The following TMEM108 variants were observed in gnomAD, a reference collection of about 807,000 sequenced individuals.
The protein encoded by TMEM108 is transmembrane protein 108.
A neutral mutation model predicts 35.1 loss-of-function variants in TMEM108; 12 were observed. That is an observed-to-expected ratio of 0.34 (90% CI 0.22 to 0.55). The LOEUF (loss-of-function observed/expected upper bound fraction) is 0.55. TMEM108 is among the 20% of genes least tolerant of loss of function. TMEM108 has a pLI of 0.89. For missense variants in TMEM108, 680 were observed against 753.3 expected, an observed-to-expected ratio of 0.90 and a Z score of 1.14; for synonymous variants, 287 against 308.6, an observed-to-expected ratio of 0.93 and a Z score of 0.73.
intron 3 of TMEM108, among the ~76,000 whole-genome samples, chr3:133,296,043 A>G (rs1270300720): frequency 6.6e-6 from 1 of 152,178 alleles, no homozygotes; most frequent in African/African-American, 2.4e-5. Context: ...CCCCCCAAAA[A>G]AAGTATCCTT....
At chr3:133,227,339 G>A (rs550932145) in intron 2 of TMEM108, among the ~76,000 whole-genome samples, 13 of 150,886 alleles carry the variant, frequency 8.6e-5, no homozygotes, top group Middle Eastern at 3.4e-3. Flanking sequence ...GACTACAGGC[G>A]CCCACCACCT....
intron 4 of TMEM108, chr3:133,388,383 G>A: frequency 1.0e-6 from 1 of 959,882 alleles, no homozygotes; most frequent in South Asian, 4.8e-5. Context: ...TTTTCCTCTA[G>A]AATAAGGAGG....
intron 2 of TMEM108, among the ~76,000 whole-genome samples, chr3:133,117,284 A>G (rs752064290): frequency 3.3e-5 from 5 of 152,214 alleles, no homozygotes; most frequent in Non-Finnish European, 7.3e-5. Flanking sequence ...GTGGCTTTTC[A>G]TAGGCTAGAG....
intron 3 of TMEM108, among the ~76,000 whole-genome samples, chr3:133,358,324 A>T (rs1424291125): frequency 6.6e-6 from 1 of 152,128 alleles, no homozygotes; most frequent in Non-Finnish European, 1.5e-5. Context: ...AGCGCGAACC[A>T]CTACGCCTGG....
chr3:133,306,535 G>A (rs1224529023), intron 3 of TMEM108, among the ~76,000 whole-genome samples: 2 of 152,056 alleles, frequency 1.3e-5, no homozygotes, highest in Non-Finnish European at 2.9e-5. Flanking sequence ...CTCAATGACA[G>A]TTCCCAGTGT....
chr3:133,270,982 C>T (rs1339741554), intron 3 of TMEM108, among the ~76,000 whole-genome samples: 1 of 152,164 alleles, frequency 6.6e-6, no homozygotes, highest in African/African-American at 2.4e-5. Context: ...GCCCCCAAGC[C>T]ATCCTCTTGA....
rs145723766 is a variant in TMEM108 at position 133,150,093 on chromosome 3, A to C, written c.-46-79173A>C. On this transcript the variant is annotated intron_variant, in intron 2 of 5. Transcript: ENST00000321871. ...TTTTCCACAGTGGTTATACCAATTT[A>C]CAATCCCAGCAAGAGTGTACAAGGG... Among the ~76,000 whole-genome samples the C allele has an allele frequency of 1.4e-4, 22 of 152,286 alleles. No homozygotes were observed. In the East Asian group the frequency reaches 4.2e-3, roughly 29 times the overall value.
At chr3:133,269,021 T>G (rs1375357683) in intron 3 of TMEM108, among the ~76,000 whole-genome samples, 1 of 152,258 alleles carries the variant, frequency 6.6e-6, no homozygotes, top group Non-Finnish European at 1.5e-5. Flanking sequence ...CAGTAGTTTT[T>G]TTTTAACTTG....
intron 2 of TMEM108, among the ~76,000 whole-genome samples, chr3:133,166,306 C>G (rs555513416): frequency 6.6e-6 from 1 of 152,130 alleles, no homozygotes; most frequent in Non-Finnish European, 1.5e-5. Context: ...ACACATTTAC[C>G]TATGTAACAA....
chr3:133,097,806 G>C (rs1944035098), intron 2 of TMEM108, among the ~76,000 whole-genome samples: 1 of 152,156 alleles, frequency 6.6e-6, no homozygotes, highest in African/African-American at 2.4e-5. Context: ...ACCCATTACT[G>C]TCTATGTGGA....
chr3:133,318,853 A>G (rs557932061), intron 3 of TMEM108, among the ~76,000 whole-genome samples: 1 of 151,606 alleles, frequency 6.6e-6, no homozygotes, highest in East Asian at 1.9e-4. Context: ...CCACTGCAGG[A>G]GCATAACAGG....
intron 3 of TMEM108, among the ~76,000 whole-genome samples, chr3:133,254,868 G>C (rs1040850854): frequency 2.6e-5 from 4 of 152,172 alleles, no homozygotes; most frequent in African/African-American, 9.7e-5. Context: ...GAAGGCTGAA[G>C]TGACTTGACA....
At chr3:133,383,301 G>A (rs1446624058) in intron 4 of TMEM108, among the ~76,000 whole-genome samples, 1 of 152,206 alleles carries the variant, frequency 6.6e-6, no homozygotes, top group Non-Finnish European at 1.5e-5. Flanking sequence ...AGGTGCCACA[G>A]TGACTCCAGC....
intron 2 of TMEM108, among the ~76,000 whole-genome samples, chr3:133,090,620 G>A (rs1464183505): frequency 5.3e-5 from 8 of 152,262 alleles, no homozygotes; most frequent in East Asian, 1.9e-4. Context: ...AAGAATTATC[G>A]TAAGAAATTT....
At chr3:133,321,110 A>T (rs540702601) in intron 3 of TMEM108, among the ~76,000 whole-genome samples, 105 of 152,326 alleles carry the variant, frequency 6.9e-4, no homozygotes, top group African/African-American at 2.4e-3. Flanking sequence ...CAATAACACA[A>T]AAAAACAAGG....
intron 3 of TMEM108, among the ~76,000 whole-genome samples, chr3:133,361,302 T>C (rs1158901650): frequency 1.3e-5 from 2 of 152,214 alleles, no homozygotes; most frequent in African/African-American, 4.8e-5. Context: ...AGTCCTGGAC[T>C]GTGGCTCAGC....
chr3:133,120,725 A>T (rs940581949), intron 2 of TMEM108, among the ~76,000 whole-genome samples: 1 of 152,178 alleles, frequency 6.6e-6, no homozygotes, highest in Non-Finnish European at 1.5e-5. Context: ...TATTTTTGTT[A>T]TTTATCTATG....
chr3:133,308,131 G>C (rs1017891280), intron 3 of TMEM108, among the ~76,000 whole-genome samples: 1 of 152,088 alleles, frequency 6.6e-6, no homozygotes, highest in Admixed American at 6.5e-5. Context: ...AATTGTGAAT[G>C]GGAGTTCACT....
intron 3 of TMEM108, among the ~76,000 whole-genome samples, chr3:133,360,838 A>G (rs2072326600): frequency 6.6e-6 from 1 of 152,218 alleles, no homozygotes; most frequent in Non-Finnish European, 1.5e-5. Context: ...CAGTTTACAA[A>G]CCAACTGGAC....
Sources: allele counts gnomAD v4.1 joint callset (sites outside exome capture counted in the v4.1 genomes callset), GRCh38; gene constraint gnomAD v4.1.1; transcripts MANE v1.5; gene names NCBI Gene and HGNC (gene_info 2026-07-23, HGNC 2026-07-21).